Variants in ADAMTS13 observed in about 807,000 individuals in gnomAD.
The protein encoded by ADAMTS13 is A disintegrin and metalloproteinase with thrombospondin motifs 13.
Under a neutral mutation model 155.1 loss-of-function variants are expected in ADAMTS13, and 110 were observed. The observed-to-expected ratio is 0.71, with a 90% CI of 0.61 to 0.83. ADAMTS13 has a LOEUF of 0.83. Among genes scored for constraint, ADAMTS13 ranks in the 40% least tolerant of loss-of-function variants. The pLI, the probability that ADAMTS13 is intolerant of heterozygous loss-of-function variation, is 0.00. For synonymous variants in ADAMTS13, 758 were observed against 756.4 expected (o/e 1.00, Z -0.03); for missense variants, 1,707 against 1,891.7 (o/e 0.90, Z 1.81).
Position 133,425,690 on chromosome 9 carries a change from C to G in ADAMTS13, c.414+78C>G. On this transcript the variant is annotated intron_variant, in intron 4 of 28. Coordinates refer to ENST00000355699, the MANE Select transcript of ADAMTS13 (RefSeq NM_139027.6). This position sits in a 1 kb window ranked among gnomAD's most constrained non-coding sequence, Gnocchi z 4.6. ...ATCGCATCTCCATCCTCTTTAACCT[C>G]TTGTCCCGGATGCCCCAAGCAGCAT... 2 of 1,508,944 alleles carry G rather than the reference C, an allele frequency of 1.3e-6. No individual in the cohort carries two copies. The highest frequency in any genetic ancestry group is 1.8e-6 in the Non-Finnish European group (2 of 1,103,966). 93.5% of individuals were successfully genotyped at this position (1,508,944 alleles called of 1,614,324 possible). A position where few individuals can be genotyped will look rare whatever the true frequency, so the allele number is the denominator to read the frequency against.
chr9:133,453,273 A>T (rs1173672018), intron 23 of ADAMTS13, among the ~76,000 whole-genome samples: 1 of 152,254 alleles, frequency 6.6e-6, no homozygotes, highest in East Asian at 1.9e-4. Context: ...TGTCTCTACT[A>T]AAAATACAAA....
chr9:133,438,138 G>A (rs984686827), intron 13 of ADAMTS13, 108 bp from the exon 14 acceptor site: 14 of 1,582,092 alleles, frequency 8.8e-6, no homozygotes, highest in Non-Finnish European at 1.2e-5. Context: ...TGCTATAGAA[G>A]TGTTGCTGGT....
rs140501683 is a variant in ADAMTS13 at position 133,437,786 on chromosome 9, C to T, written c.1473C>T (p.Gly491=). ...GCAGACACATGTGCCGGGCCATTGG[C>T]GAGAGCTTCATCATGAAGCGTGGAG... ...ALCRHMCRAI[G]ESFIMKRGDS... The change falls in exon 13 of 29, where the codon GGC becomes GGT. Residue 491 remains glycine, a synonymous_variant. Coordinates refer to ENST00000355699, the MANE Select transcript of ADAMTS13 (RefSeq NM_139027.6). The T allele has an allele frequency of 2.8e-5, 45 of 1,613,812 alleles. No homozygotes were observed. The highest frequency in any genetic ancestry group is 4.5e-5 in the East Asian group (2 of 44,884).
chr9:133,452,512 T>C (rs1842494456), intron 23 of ADAMTS13, among the ~76,000 whole-genome samples: 1 of 152,226 alleles, frequency 6.6e-6, no homozygotes, highest in Non-Finnish European at 1.5e-5. Context: ...GTGTCCCATT[T>C]ATTTTTCCAC....
intron 8 of ADAMTS13, among the ~76,000 whole-genome samples, chr9:133,430,676 A>T (rs991197841): frequency 2.1e-4 from 32 of 150,902 alleles, no homozygotes; most frequent in Non-Finnish European, 4.0e-4. Context: ...TACTATAAAT[A>T]CAAGTCTTTT....
At chr9:133,454,041 G>A (rs1169175858) in intron 23 of ADAMTS13, among the ~76,000 whole-genome samples, 2 of 152,072 alleles carry the variant, frequency 1.3e-5, no homozygotes, top group African/African-American at 4.8e-5. Flanking sequence ...AAGGGAACTC[G>A]GCCTTCCCTT....
In ADAMTS13 at chr9:133,441,551, A is replaced by C. The variant is rs1228275038; in HGVS notation, c.1969-848A>C. On this transcript the variant is annotated intron_variant, in intron 16 of 28. Transcript: ENST00000355699. The surrounding 1 kb of genome is among the most constrained non-coding windows in gnomAD (Gnocchi z 5.0). ...CGGCACTGGCCAGATGTGGGCATCG[A>C]GGGGGCAGGTGCGGAATGTCACCTC... Among the ~76,000 whole-genome samples the C allele has an allele frequency of 2.6e-5, 4 of 152,172 alleles. No individual in the cohort carries two copies. The highest frequency in any genetic ancestry group is 2.6e-4 in the Admixed American group (4 of 15,282).
At position 133,459,117 on chromosome 9, in the gene ADAMTS13, C is replaced by A. The variant is rs1055432; in HGVS notation, c.4053C>A (p.Thr1351=). The A allele has an allele frequency of 0.33, 536,950 of 1,611,808 alleles. 94,356 individuals carry two copies. Among genetic ancestry groups the A allele is most frequent in the South Asian group, 0.36 (32,702 of 90,938 alleles). The part of the protein sequence containing the change: ...AQASLRGQYW[T]LQSWVPEMQD... ...CCAGCCTGCGGGGCCAGTACTGGAC[C>A]CTCCAATCATGGGTACCGGAGATGC... The change falls in exon 29 of 29, where the codon ACC becomes ACA. Residue 1351 remains threonine, a synonymous_variant. Transcript: ENST00000355699.
At chr9:133,426,396 G>GGC (rs1554785326) in intron 6 of ADAMTS13, 51 bp downstream of exon 6, 4 of 1,596,878 alleles carry the variant, frequency 2.5e-6, no homozygotes, top group Admixed American at 1.7e-5. Flanking sequence ...GCTGACCTGG[G>GGC]TACCCAGGGT....
rs1241254106 is a variant in ADAMTS13 at position 133,445,137 on chromosome 9, C to T, written c.2610+85C>T. Reference sequence around the variant, plus strand: ...ACGAGGAGCACCCATTGCCACCGTCCTCCAGGCCAGAGCAAGAACACCATC... The same window carrying T: ...ACGAGGAGCACCCATTGCCACCGTCTTCCAGGCCAGAGCAAGAACACCATC... On this transcript the variant is annotated intron_variant, in intron 20 of 28. Transcript: ENST00000355699. This position sits in a 1 kb window ranked among gnomAD's most constrained non-coding sequence, Gnocchi z 5.0. 2.8e-6 allele frequency: 4 copies of T among 1,448,522 alleles called. No homozygotes were observed. The Admixed American group carries it at 7.8e-5, about 28-fold the overall frequency. 89.7% of individuals were successfully genotyped at this position (1,448,522 alleles called of 1,614,324 possible).
intron 7 of ADAMTS13, chr9:133,429,667 G>A (rs987941400): frequency 1.8e-6 from 1 of 563,782 alleles, no homozygotes; most frequent in Non-Finnish European, 3.3e-6. Context: ...CACCGCTCCC[G>A]GGCCTAACCT....
At position 133,456,461 on chromosome 9, in the gene ADAMTS13, C is replaced by A; in HGVS notation, c.3548-82C>A. The A allele has an allele frequency of 6.5e-7, 1 of 1,543,474 alleles. No individual in the cohort carries two copies. Among genetic ancestry groups the A allele is most frequent in the Non-Finnish European group, 8.8e-7 (1 of 1,134,782 alleles). On this transcript the variant is annotated intron_variant, in intron 26 of 28. Transcript: ENST00000355699. This position sits in a 1 kb window ranked among gnomAD's most constrained non-coding sequence, Gnocchi z 4.4. ...AGCAGTGGGAGAGGTGGGACTTGAACTCGGCTCAGTCTACCCTGGAGCCAC... is the reference window on the plus strand; with the variant it reads ...AGCAGTGGGAGAGGTGGGACTTGAAATCGGCTCAGTCTACCCTGGAGCCAC...
chr9:133,442,700 C>G lies in ADAMTS13; in HGVS notation c.2191C>G (p.Pro731Ala). ...CCAGTGCCAAGGGAGCCAGCAGCCA[C>G]CAGCGTGGCCAGAGGCCTGCGTGCT... is the stretch of plus-strand genomic sequence containing the variant. ...TVQCQGSQQP[P>A]AWPEACVLEP... is the part of the protein sequence containing the mutation. Residue 731 changes from proline (P) to alanine (A), a missense_variant, in exon 18 of 29, where the codon CCA (proline) becomes GCA (alanine). This residue lies in a region of ADAMTS13 where 961 missense variants were observed against 1,107.9 expected (regional missense o/e 0.87). Coordinates refer to ENST00000355699, the MANE Select transcript of ADAMTS13 (RefSeq NM_139027.6). 2 of 1,613,076 alleles carry G rather than the reference C, an allele frequency of 1.2e-6. No individual in the cohort carries two copies. Among genetic ancestry groups the G allele is most frequent in the Non-Finnish European group, 1.7e-6 (2 of 1,180,002 alleles).
In ADAMTS13 at chr9:133,430,237, T is replaced by C. The variant is rs185197533; in HGVS notation, c.987+136T>C. The C allele has an allele frequency of 8.1e-5, 91 of 1,121,888 alleles. 1 individual carries two copies. In the Admixed American group the frequency reaches 1.8e-3, roughly 22 times the overall value. The allele number at this position is 1,121,888 out of a possible 1,614,324, so 69.5% of individuals were successfully genotyped here. A position where few individuals can be genotyped will look rare whatever the true frequency, so the allele number is the denominator to read the frequency against. On this transcript the variant is annotated intron_variant, in intron 8 of 28. Transcript: ENST00000355699. Reference sequence around the variant, plus strand: ...GAGGTACTAAGCCAGGGCGGCTTAGTTTAATGCTGTCTGTGCCCTCTAGAA... The same window carrying C: ...GAGGTACTAAGCCAGGGCGGCTTAGCTTAATGCTGTCTGTGCCCTCTAGAA...
At position 133,445,708 on chromosome 9, in the gene ADAMTS13, A is replaced by G. The variant is rs1554792342; in HGVS notation, c.2620A>G (p.Thr874Ala). The G allele has an allele frequency of 1.9e-6, 3 of 1,612,810 alleles. No individual in the cohort carries two copies. Among genetic ancestry groups the G allele is most frequent in the South Asian group, 1.1e-5 (1 of 91,060 alleles). Residue 874 changes from threonine to alanine, a missense_variant, in exon 21 of 29, where the codon ACC (threonine) becomes GCC (alanine). Thr to Ala is a moderately conservative substitution (Grantham distance 58, BLOSUM62 0). This residue lies in a region of ADAMTS13 where 961 missense variants were observed against 1,107.9 expected (regional missense o/e 0.87). Coordinates refer to ENST00000355699, the MANE Select transcript of ADAMTS13 (RefSeq NM_139027.6). The surrounding 1 kb of genome is among the most constrained non-coding windows in gnomAD (Gnocchi z 5.0). ...TTGCTATTCCCCACAGCTGGATGCCACCTCTGCAGGGGAGAAGGCTCCCTC... is the reference window on the plus strand; with the variant it reads ...TTGCTATTCCCCACAGCTGGATGCCGCCTCTGCAGGGGAGAAGGCTCCCTC... The part of the protein sequence containing the change: ...CPPGWGHLDA[T>A]SAGEKAPSPW...
chr9:133,426,346 G>A lies in ADAMTS13; in HGVS notation c.686+1G>A. The A allele has an allele frequency of 6.2e-7, 1 of 1,600,310 alleles. No individual in the cohort carries two copies. The highest frequency in any genetic ancestry group is 2.2e-5 in the East Asian group (1 of 44,878). On this transcript the variant is annotated splice_donor_variant, in intron 6 of 28. Transcript: ENST00000355699. LOFTEE classifies it high-confidence loss of function. ...CCATTGCCCATGAGATTGGGCACAG[G>A]TATGTAGCCCCACCAGCTGTCCCCA...
chr9:133,428,505 G>T, intron 6 of ADAMTS13, 129 bp from the exon 7 acceptor site: 1 of 479,384 alleles, frequency 2.1e-6, no homozygotes, highest in Non-Finnish European at 3.1e-6. Flanking sequence ...GGGTCGACCC[G>T]GGTCGGAAAA....
chr9:133,418,209 AT>A (rs1438437945), upstream of ADAMTS13: 15 of 315,698 alleles, frequency 4.8e-5, no homozygotes, highest in East Asian at 1.2e-3. Flanking sequence ...AAGATCCGGG[AT>A]GGGGATGAGA....
Position 133,458,112 on chromosome 9 carries a change from G to T in ADAMTS13, c.3909+18G>T, listed in dbSNP as rs1208545561. ...ACATCTTGGTGAGGCCCAGCATGGGGACTTGTGCTGTGATTCTGGACAGCT... is the reference window on the plus strand; with the variant it reads ...ACATCTTGGTGAGGCCCAGCATGGGTACTTGTGCTGTGATTCTGGACAGCT... On this transcript the variant is annotated intron_variant, in intron 28 of 28. Transcript: ENST00000355699. 5.0e-6 allele frequency: 8 copies of T among 1,611,736 alleles called. No individual in the cohort carries two copies. The East Asian group carries it at 8.9e-5, about 18-fold the overall frequency.
Sources: allele counts gnomAD v4.1 joint callset (sites outside exome capture counted in the v4.1 genomes callset), GRCh38; gene constraint gnomAD v4.1.1; regional missense constraint gnomAD v4.1.1; non-coding constraint Gnocchi (gnomAD v3.1); transcripts MANE v1.5; gene names NCBI Gene and HGNC (gene_info 2026-07-23, HGNC 2026-07-21).